The following PCDHGA1 variants were observed in gnomAD, a reference collection of about 807,000 sequenced individuals.
PCDHGA1 encodes the protein protocadherin gamma-A1.
A neutral mutation model predicts 58.0 loss-of-function variants in PCDHGA1; 32 were observed. The ratio of observed to expected loss-of-function variants is 0.55; its 90% CI spans 0.42 to 0.74. The LOEUF is 0.74. Ranked by LOEUF, PCDHGA1 falls within the 30% of genes least tolerant of loss-of-function variation. The pLI is 0.00. For synonymous variants in PCDHGA1, 498 were observed against 501.1 expected, an observed-to-expected ratio of 0.99 and a Z score of 0.08; for missense variants, 1,205 against 1,182.3, an observed-to-expected ratio of 1.02 and a Z score of -0.28.
chr5:141,482,981 A>C (rs1377809325), intron 1 of PCDHGA1, among the ~76,000 whole-genome samples: 1 of 150,250 alleles, frequency 6.7e-6, no homozygotes, highest in Non-Finnish European at 1.5e-5. Context: ...GCTACTTGAG[A>C]GGTCGAGGCA....
At chr5:141,397,216 T>C (rs772120141) in intron 1 of PCDHGA1, among the ~76,000 whole-genome samples, 32 of 152,186 alleles carry the variant, frequency 2.1e-4, no homozygotes, top group Non-Finnish European at 4.1e-4. Context: ...AGAGAAGTAT[T>C]TTGAGATATG....
chr5:141,384,255 C>A (rs1434476229), intron 1 of PCDHGA1: 1 of 1,613,746 alleles, frequency 6.2e-7, no homozygotes, highest in African/African-American at 1.3e-5. Flanking sequence ...CACCCACCTT[C>A]CCCCACTCAT....
intron 1 of PCDHGA1, chr5:141,394,137 G>A (rs1406338034): frequency 6.2e-6 from 10 of 1,613,902 alleles, no homozygotes; most frequent in East Asian, 2.2e-5. Context: ...CGCTCTGCAC[G>A]TGGCAGACAT....
At chr5:141,501,127 T>C (rs2099805755) in intron 2 of PCDHGA1, among the ~76,000 whole-genome samples, 5 of 152,024 alleles carry the variant, frequency 3.3e-5, no homozygotes, top group Non-Finnish European at 7.4e-5. Context: ...TCAGCCTCCC[T>C]AAGTGCTGGG....
intron 1 of PCDHGA1, 88 bp from the exon 2 acceptor site, chr5:141,494,719 C>T: frequency 6.2e-7 from 1 of 1,605,960 alleles, no homozygotes; most frequent in Non-Finnish European, 8.5e-7. Flanking sequence ...CCACTCCCCT[C>T]CTTCTCTCCC....
intron 1 of PCDHGA1, chr5:141,372,718 C>G: frequency 6.2e-7 from 1 of 1,613,818 alleles, no homozygotes; most frequent in East Asian, 2.2e-5. Flanking sequence ...GCTGAAAATG[C>G]TGCACCACAA....
rs532907359 is a variant in PCDHGA1, at chr5:141,500,353, C to T, written c.2481-5040C>T. 1.9e-4 allele frequency among the ~76,000 whole-genome samples: 29 copies of T among 152,052 alleles called. No homozygotes were observed. The East Asian group carries it at 5.2e-3, about 27-fold the overall frequency. The stretch of plus-strand genomic sequence containing the variant: ...CCTCCAGAATAGCTGGGACTACAGG[C>T]GCCCACTACCACGCCCGGCTAATTA... On this transcript the variant is annotated intron_variant, in intron 2 of 3. Transcript: ENST00000517417.
chr5:141,503,181 A>C (rs532503504), intron 2 of PCDHGA1, among the ~76,000 whole-genome samples: 54 of 152,060 alleles, frequency 3.6e-4, no homozygotes, highest in African/African-American at 1.3e-3. Context: ...TCTATTGTGT[A>C]ATTATTTAAA....
intron 1 of PCDHGA1, chr5:141,418,639 C>T (rs2096276711): frequency 6.2e-7 from 1 of 1,614,014 alleles, no homozygotes; most frequent in Non-Finnish European, 8.5e-7. Flanking sequence ...CAGGCACCTC[C>T]ATCCTGAGAG....
At chr5:141,435,004 A>G (rs1481428383) in intron 1 of PCDHGA1, among the ~76,000 whole-genome samples, 1 of 152,096 alleles carries the variant, frequency 6.6e-6, no homozygotes, top group Non-Finnish European at 1.5e-5. Flanking sequence ...AGCTGAATTT[A>G]TCAATGATAA....
At chr5:141,383,111 GGAC>G in intron 1 of PCDHGA1, 1 of 1,614,040 alleles carries the variant, frequency 6.2e-7, no homozygotes, top group South Asian at 1.1e-5. Context: ...TCCAGAGGTA[GGAC>G]GCAGCTTTTC....
intron 1 of PCDHGA1, chr5:141,375,937 A>G (rs777064247): frequency 1.5e-5 from 24 of 1,613,516 alleles, no homozygotes; most frequent in African/African-American, 6.7e-5. Flanking sequence ...GACTTTTCTC[A>G]GTGGGCCTGC....
chr5:141,476,346 T>G lies in PCDHGA1; in HGVS notation c.2422-18461T>G, dbSNP rs1239836597. On this transcript the variant is annotated intron_variant, in intron 1 of 3. Coordinates refer to ENST00000517417, the MANE Select transcript of PCDHGA1 (RefSeq NM_018912.3). The surrounding 1 kb of genome is among the most constrained non-coding windows in gnomAD (Gnocchi z 7.6). The stretch of plus-strand genomic sequence containing the variant: ...GTGTCTGGAGCTAGCCGAAGATTCT[T>G]TGAGGTGAACCGGGAGACCGGAGAG... 2.5e-6 allele frequency: 4 copies of G among 1,613,932 alleles called. No individual in the cohort carries two copies. Among genetic ancestry groups the G allele is most frequent in the Non-Finnish European group, 3.4e-6 (4 of 1,180,022 alleles).
chr5:141,424,408 T>G (rs942542788), intron 1 of PCDHGA1: 1 of 152,224 alleles, frequency 6.6e-6, no homozygotes, highest in Non-Finnish European at 1.5e-5. Flanking sequence ...TATGGTGAAG[T>G]TACATTGACT....
intron 1 of PCDHGA1, chr5:141,360,159 C>A (rs1325055088): frequency 9.3e-6 from 15 of 1,604,390 alleles, no homozygotes; most frequent in East Asian, 2.2e-5. Flanking sequence ...CAGGGAGGTG[C>A]GGGCTGGTGC....
chr5:141,441,547 A>G (rs1393958373), intron 1 of PCDHGA1: 1 of 182,772 alleles, frequency 5.5e-6, no homozygotes, highest in Admixed American at 6.4e-5. Context: ...CAAAGCCTCC[A>G]TAGTGTGCAA....
Position 141,362,718 on chromosome 5 carries a change from G to A in PCDHGA1, c.2421+29613G>A, listed in dbSNP as rs1762651072. The A allele has an allele frequency of 4.5e-6, 4 of 880,132 alleles. No homozygotes were observed. In the East Asian group the frequency reaches 8.0e-5, roughly 18 times the overall value. The allele number at this position is 880,132 out of a possible 1,614,324, so 54.5% of individuals were successfully genotyped here. A position where few individuals can be genotyped will look rare whatever the true frequency, so the allele number is the denominator to read the frequency against. Reference sequence around the variant, plus strand: ...ACTGAATTTTAAGTGTTTTCTCTCTGAAGTGTGAGATTTATTTACCCATGA... The same window carrying A: ...ACTGAATTTTAAGTGTTTTCTCTCTAAAGTGTGAGATTTATTTACCCATGA... On this transcript the variant is annotated intron_variant, in intron 1 of 3. Coordinates refer to ENST00000517417, the MANE Select transcript of PCDHGA1 (RefSeq NM_018912.3).
At position 141,477,460 on chromosome 5, in the gene PCDHGA1, C is replaced by T; in HGVS notation, c.2422-17347C>T. 6.2e-7 allele frequency: 1 copy of T among 1,614,132 alleles called. No individual in the cohort carries two copies. Among genetic ancestry groups the T allele is most frequent in the Non-Finnish European group, 8.5e-7 (1 of 1,180,020 alleles). On this transcript the variant is annotated intron_variant, in intron 1 of 3. Transcript: ENST00000517417. The surrounding 1 kb of genome is among the most constrained non-coding windows in gnomAD (Gnocchi z 4.9). ...TTACAATAGTGCGTGTTCAAGTGTC[C>T]GACATCAATGACAACCCTCCACAAT...
At chr5:141,362,541 A>G (rs770673084) in intron 1 of PCDHGA1, 3 of 1,613,770 alleles carry the variant, frequency 1.9e-6, no homozygotes, top group Admixed American at 3.3e-5. Context: ...CTTTTGCCTC[A>G]GATACTATTT....
Sources: gnomAD v4.1 joint callset for allele counts (sites outside exome capture counted in the v4.1 genomes callset) on GRCh38, gnomAD v4.1.1 for gene constraint, Gnocchi (gnomAD v3.1) non-coding constraint, MANE v1.5 for transcripts, NCBI Gene and HGNC (gene_info 2026-07-23, HGNC 2026-07-21) for gene names.